The following UGT1A8 variants were observed in gnomAD, a reference collection of about 807,000 sequenced individuals.
UGT1A8 encodes the protein UDP glucuronosyltransferase family 1 member A8.
UGT1A8 carries 39 observed loss-of-function variants against 45.3 expected under a neutral mutation model. That is an observed-to-expected ratio of 0.86 (90% CI 0.67 to 1.12). UGT1A8 has a LOEUF of 1.12. UGT1A8 is among the 50% of genes most tolerant of loss of function. The pLI is 0.00. For synonymous variants in UGT1A8, 275 were observed against 249.2 expected (o/e 1.10, Z -0.97); for missense variants, 719 against 664.9 (o/e 1.08, Z -0.90).
chr2:233,769,434 T>A lies in UGT1A8; in HGVS notation c.1295+995T>A. ...GCGTTTGTGCATGTGGCTGTGCTCA[T>A]GTGTGGGTGCACACGTGTGCATTCA... is the stretch of plus-strand genomic sequence containing the variant. On this transcript the variant is annotated intron_variant, in intron 4 of 4. Coordinates refer to ENST00000373450, the MANE Select transcript of UGT1A8 (RefSeq NM_019076.5). The surrounding 1 kb of genome is among the most constrained non-coding windows in gnomAD (Gnocchi z 4.4). 1 of 1,542,192 alleles carries A rather than the reference T, an allele frequency of 6.5e-7. No individual in the cohort carries two copies.
At chr2:233,717,777 A>G (rs1442623000) in intron 1 of UGT1A8, 3 of 456,402 alleles carry the variant, frequency 6.6e-6, no homozygotes, top group South Asian at 4.6e-5. Context: ...TTAATTCTCC[A>G]TTTTGAAATT....
At chr2:233,650,930 A>G (rs1218249964) in intron 1 of UGT1A8, among the ~76,000 whole-genome samples, 1 of 152,200 alleles carries the variant, frequency 6.6e-6, no homozygotes, top group African/African-American at 2.4e-5. Flanking sequence ...AATTTTGGCT[A>G]TGTTCTGGCT....
intron 1 of UGT1A8, chr2:233,755,135 T>A (rs1342380152): frequency 7.6e-7 from 1 of 1,315,532 alleles, no homozygotes; most frequent in African/African-American, 1.5e-5. Flanking sequence ...CCTGCTTGAA[T>A]CTTCTCACCG....
At chr2:233,768,773 AG>A (rs1386504904) in intron 4 of UGT1A8, among the ~76,000 whole-genome samples, 1 of 151,734 alleles carries the variant, frequency 6.6e-6, no homozygotes, top group Non-Finnish European at 1.5e-5. Context: ...TAGTAGAGAA[AG>A]GGTTTCACCA....
chr2:233,765,490 A>G (rs552851651), intron 1 of UGT1A8, among the ~76,000 whole-genome samples: 4 of 152,238 alleles, frequency 2.6e-5, no homozygotes, highest in Non-Finnish European at 5.9e-5. Flanking sequence ...ATCATCCTCC[A>G]CAAACTAACA....
At chr2:233,733,440 C>T (rs1200700751) in intron 1 of UGT1A8, among the ~76,000 whole-genome samples, 12 of 152,030 alleles carry the variant, frequency 7.9e-5, no homozygotes, top group African/African-American at 1.5e-4. Context: ...ATATTGGCTG[C>T]GGGTTTGTCA....
intron 1 of UGT1A8, among the ~76,000 whole-genome samples, chr2:233,725,543 ATAT>A (rs909924952): frequency 1.3e-5 from 2 of 152,112 alleles, no homozygotes; most frequent in African/African-American, 4.8e-5. Flanking sequence ...CATATCACAA[ATAT>A]TATCCTTTCA....
intron 1 of UGT1A8, among the ~76,000 whole-genome samples, chr2:233,759,163 C>T (rs28899472): frequency 0.024 from 3,618 of 152,322 alleles, 42 homozygotes; most frequent in Non-Finnish European, 0.031. Flanking sequence ...GAACACAAGG[C>T]AGGCAGGTTT....
At chr2:233,743,990 CG>C in intron 1 of UGT1A8, 1 of 1,267,322 alleles carries the variant, frequency 7.9e-7, no homozygotes, top group Admixed American at 2.4e-5. Context: ...GGCGCAGGCC[CG>C]AGTGCTCGGA....
At chr2:233,735,047 G>A (rs1460443849) in intron 1 of UGT1A8, among the ~76,000 whole-genome samples, 1 of 152,202 alleles carries the variant, frequency 6.6e-6, no homozygotes, top group Non-Finnish European at 1.5e-5. Context: ...GTGCAGAGCT[G>A]AGTTCAGGTC....
intron 1 of UGT1A8, among the ~76,000 whole-genome samples, chr2:233,712,282 C>T (rs1209135273): frequency 6.6e-6 from 1 of 152,248 alleles, no homozygotes; most frequent in Non-Finnish European, 1.5e-5. Context: ...AGCAGCACCT[C>T]TTCTTCCATG....
intron 1 of UGT1A8, among the ~76,000 whole-genome samples, chr2:233,765,933 G>C (rs1285596589): frequency 2.6e-5 from 4 of 152,108 alleles, no homozygotes; most frequent in African/African-American, 9.7e-5. Flanking sequence ...CGGGCAGGTT[G>C]TGGGGCTCTG....
intron 1 of UGT1A8, among the ~76,000 whole-genome samples, chr2:233,667,669 T>A (rs1020886057): frequency 6.6e-5 from 10 of 152,092 alleles, no homozygotes; most frequent in Non-Finnish European, 1.0e-4. Context: ...TACAATGAAC[T>A]CAGACAAATT....
chr2:233,718,364 C>T (rs3732221), intron 1 of UGT1A8, among the ~76,000 whole-genome samples: 15,455 of 152,278 alleles, frequency 0.1, 904 homozygotes, highest in East Asian at 0.2. Flanking sequence ...GTGTTATTCA[C>T]ATATGAGAAG....
chr2:233,670,375 CT>C lies in UGT1A8; in HGVS notation c.855+51819del, dbSNP rs2074158663. On this transcript the variant is annotated intron_variant, in intron 1 of 4. Coordinates refer to ENST00000373450, the MANE Select transcript of UGT1A8 (RefSeq NM_019076.5). ...GAATTACATCATAATTATTATTTGACTTTTTTGCCTTTGCAATTCTTTGAAA... is the reference window on the plus strand; with the variant it reads ...GAATTACATCATAATTATTATTTGACTTTTTGCCTTTGCAATTCTTTGAAA... Among the ~76,000 whole-genome samples the C allele has an allele frequency of 2.6e-5, 4 of 152,326 alleles. No individual in the cohort carries two copies. The South Asian group carries it at 8.3e-4, about 32-fold the overall frequency.
At chr2:233,746,478 T>C (rs1007346584) in intron 1 of UGT1A8, among the ~76,000 whole-genome samples, 1 of 151,746 alleles carries the variant, frequency 6.6e-6, no homozygotes, top group Non-Finnish European at 1.5e-5. Flanking sequence ...AGAAACACTT[T>C]CCATGGACAT....
intron 1 of UGT1A8, chr2:233,747,257 G>T: frequency 6.2e-7 from 1 of 1,600,080 alleles, no homozygotes; most frequent in Non-Finnish European, 8.5e-7. Context: ...CTGGCCACAG[G>T]AGTGCTACTC....
At chr2:233,767,478 T>C (rs1699401505) in intron 2 of UGT1A8, among the ~76,000 whole-genome samples, 1 of 152,246 alleles carries the variant, frequency 6.6e-6, no homozygotes, top group Admixed American at 6.5e-5. Flanking sequence ...TCATATTAAA[T>C]AGAAGTATTT....
intron 1 of UGT1A8, among the ~76,000 whole-genome samples, chr2:233,762,019 A>G (rs1021587184): frequency 2.6e-5 from 4 of 151,988 alleles, no homozygotes; most frequent in South Asian, 2.1e-4. Context: ...TGTGATTTGT[A>G]TTTTATTTTT....
Sources: allele counts gnomAD v4.1 joint callset (sites outside exome capture counted in the v4.1 genomes callset), GRCh38; gene constraint gnomAD v4.1.1; non-coding constraint Gnocchi (gnomAD v3.1); transcripts MANE v1.5; gene names NCBI Gene and HGNC (gene_info 2026-07-23, HGNC 2026-07-21).